Variants in TTBK2 observed in about 807,000 individuals in gnomAD.
TTBK2 encodes tau tubulin kinase 2.
Under a neutral mutation model 110.8 loss-of-function variants are expected in TTBK2, and 28 were observed. The ratio of observed to expected loss-of-function variants is 0.25; its 90% CI spans 0.19 to 0.35. The LOEUF (loss-of-function observed/expected upper bound fraction) is 0.35. TTBK2 is among the 10% of genes least tolerant of loss of function. The probability of loss-of-function intolerance (pLI) is 1.00; values close to 1 mark genes in which losing one functional copy is unlikely to be tolerated. For missense variants in TTBK2, 1,369 were observed against 1,500.3 expected (o/e 0.91, Z 1.45); for synonymous variants, 532 against 527.3 (o/e 1.01, Z -0.12).
chr15:42,789,316 T>TAC (rs1438654920), intron 10 of TTBK2, among the ~76,000 whole-genome samples: 1 of 151,808 alleles, frequency 6.6e-6, no homozygotes, highest in Non-Finnish European at 1.5e-5. Flanking sequence ...TATATATATA[T>TAC]ATGTTTTTTG....
rs1417908893 is a variant in TTBK2 at position 42,744,191 on chromosome 15, A to C, written c.*1604T>G. 6.6e-6 allele frequency: 1 copy of C among 152,176 alleles called. No individual in the cohort carries two copies. Among genetic ancestry groups the C allele is most frequent in the Non-Finnish European group, 1.5e-5 (1 of 68,028 alleles). 9.4% of individuals were successfully genotyped at this position (152,176 alleles called of 1,614,324 possible). ...CACTATGCTACATTTCTTATAAGAGACGTTATATGCCTCAATAGTGTTTTG... is the reference window on the plus strand; with the variant it reads ...CACTATGCTACATTTCTTATAAGAGCCGTTATATGCCTCAATAGTGTTTTG... On this transcript the variant is annotated 3_prime_UTR_variant, in exon 15 of 15. Coordinates refer to ENST00000267890, the MANE Select transcript of TTBK2 (RefSeq NM_173500.4).
In TTBK2 at chr15:42,752,443, T is replaced by G. The variant is rs1040549147; in HGVS notation, c.2803A>C (p.Arg935=). The change falls in exon 14 of 15, where the codon AGG becomes CGG. Residue 935 remains arginine, a synonymous_variant. Coordinates refer to ENST00000267890, the MANE Select transcript of TTBK2 (RefSeq NM_173500.4). Reference sequence around the variant, plus strand: ...CTGTGTCTAGTTACAAAGGATGACCTAACCATATCCTTCCGGGTTGGGGCA... The same window carrying G: ...CTGTGTCTAGTTACAAAGGATGACCGAACCATATCCTTCCGGGTTGGGGCA... The part of the protein sequence containing the change: ...HGAPTRKDMV[R]SSFVTRHSRI... 4 of 1,614,106 alleles carry G rather than the reference T, an allele frequency of 2.5e-6. No individual in the cohort carries two copies. The African/African-American group carries it at 5.3e-5, about 22-fold the overall frequency.
chr15:42,774,370 C>T (rs964430807), intron 13 of TTBK2, among the ~76,000 whole-genome samples: 6 of 152,094 alleles, frequency 3.9e-5, no homozygotes, highest in African/African-American at 1.4e-4. Context: ...TTTGCTTGGC[C>T]ATCTCTGGCT....
At chr15:42,839,775 G>C (rs1893145979) in intron 4 of TTBK2, among the ~76,000 whole-genome samples, 1 of 152,086 alleles carries the variant, frequency 6.6e-6, no homozygotes, top group African/African-American at 2.4e-5. Flanking sequence ...GTGTGGAAGT[G>C]GGGTAATCTT....
intron 6 of TTBK2, among the ~76,000 whole-genome samples, chr15:42,819,951 T>C (rs1892221603): frequency 6.6e-6 from 1 of 152,212 alleles, no homozygotes; most frequent in South Asian, 2.1e-4. Context: ...TTCTGCAGCC[T>C]AGTCCACAGT....
intron 3 of TTBK2, among the ~76,000 whole-genome samples, chr15:42,864,936 T>A (rs540511271): frequency 2.0e-5 from 3 of 151,972 alleles, no homozygotes; most frequent in African/African-American, 7.3e-5. Flanking sequence ...TAAATATATA[T>A]ACATGCTTAT....
chr15:42,847,245 A>G (rs934608082), intron 3 of TTBK2, among the ~76,000 whole-genome samples: 2 of 152,160 alleles, frequency 1.3e-5, no homozygotes, highest in African/African-American at 4.8e-5. Context: ...TCTTTGAAGT[A>G]CCTGTAAAAG....
intron 11 of TTBK2, among the ~76,000 whole-genome samples, chr15:42,780,325 G>A (rs1033724956): frequency 1.3e-5 from 2 of 149,570 alleles, no homozygotes; most frequent in African/African-American, 2.5e-5. Context: ...GAGCCACTGT[G>A]CCAGGGCAAG....
Position 42,752,624 on chromosome 15 carries a change from T to C in TTBK2, c.2622A>G (p.Gln874=). Residue 874 remains glutamine (Q), a synonymous_variant, in exon 14 of 15, where the codon CAA becomes CAG. Transcript: ENST00000267890. ...CATCATCCTTAGATATCTTATTTTT[T>C]TGCATTTCTGCCACTTGGCCTATCT... ...EGQIGQVAEM[Q]KNKISKDDDI... The C allele has an allele frequency of 6.2e-7, 1 of 1,614,208 alleles. No homozygotes were observed. The highest frequency in any genetic ancestry group is 1.6e-4 in the Middle Eastern group (1 of 6,062).
At chr15:42,868,862 A>AAAATAAATAAATAAAT (rs138092138) in intron 3 of TTBK2, among the ~76,000 whole-genome samples, 2 of 146,112 alleles carry the variant, frequency 1.4e-5, no homozygotes, top group Admixed American at 1.4e-4. Flanking sequence ...CCTTGTCTCA[A>AAAATAAATAAATAAAT]AAATAAATAA....
chr15:42,806,518 T>G (rs1261888134), intron 9 of TTBK2, among the ~76,000 whole-genome samples: 1 of 152,182 alleles, frequency 6.6e-6, no homozygotes, highest in East Asian at 1.9e-4. Flanking sequence ...AGGCCCTGCA[T>G]TATCTGGTTT....
At chr15:42,907,509 G>A (rs1172988289) in intron 1 of TTBK2, among the ~76,000 whole-genome samples, 1 of 152,102 alleles carries the variant, frequency 6.6e-6, no homozygotes, top group Non-Finnish European at 1.5e-5. Flanking sequence ...GCTGTTATTT[G>A]CAGTAACATG....
rs567051546 is a variant in TTBK2 at position 42,880,467 on chromosome 15, T to A, written c.-67-1783A>T. Among the ~76,000 whole-genome samples the A allele has an allele frequency of 4.6e-5, 7 of 152,282 alleles. 1 individual carries two copies. In the South Asian group the frequency reaches 1.5e-3, roughly 32 times the overall value. The stretch of plus-strand genomic sequence containing the variant: ...AGTGGTGCAATCATAGCTCATTATA[T>A]CCTTGAACTCCTGGGCTCAAGCAAT... On this transcript the variant is annotated intron_variant, in intron 1 of 14. Transcript: ENST00000267890.
At chr15:42,843,268 A>G (rs1330752881) in intron 3 of TTBK2, among the ~76,000 whole-genome samples, 1 of 152,226 alleles carries the variant, frequency 6.6e-6, no homozygotes, top group Non-Finnish European at 1.5e-5. Context: ...AAGGATGACA[A>G]TGGCCCCTTC....
At chr15:42,868,187 C>T (rs1567068541) in intron 3 of TTBK2, among the ~76,000 whole-genome samples, 1 of 152,110 alleles carries the variant, frequency 6.6e-6, no homozygotes, top group Non-Finnish European at 1.5e-5. Flanking sequence ...TCCTGACATA[C>T]GATGGTTCAA....
At chr15:42,858,573 G>A (rs561273488) in intron 3 of TTBK2, among the ~76,000 whole-genome samples, 5 of 152,206 alleles carry the variant, frequency 3.3e-5, no homozygotes, top group African/African-American at 1.2e-4. Flanking sequence ...TTCCACAAGT[G>A]AGGAACATGG....
At chr15:42,909,670 A>C (rs2030632065) in intron 1 of TTBK2, among the ~76,000 whole-genome samples, 1 of 152,226 alleles carries the variant, frequency 6.6e-6, no homozygotes, top group Non-Finnish European at 1.5e-5. Context: ...GAACTACATG[A>C]ATGAATCTCA....
chr15:42,878,466 T>C, intron 2 of TTBK2, 83 bp downstream of exon 2: 2 of 1,590,564 alleles, frequency 1.3e-6, no homozygotes, highest in East Asian at 2.2e-5. Context: ...TTTATCAGGA[T>C]ACCAAAAATT....
chr15:42,763,182 A>ATG (rs1567009044), intron 13 of TTBK2, among the ~76,000 whole-genome samples: 1 of 20,998 alleles, frequency 4.8e-5, no homozygotes, highest in East Asian at 1.4e-3. Flanking sequence ...ATATATATAT[A>ATG]TATATATATA....
Sources: allele counts gnomAD v4.1 joint callset (sites outside exome capture counted in the v4.1 genomes callset), GRCh38; gene constraint gnomAD v4.1.1; transcripts MANE v1.5; gene names NCBI Gene and HGNC (gene_info 2026-07-23, HGNC 2026-07-21).